MLLT10: variants seen among roughly 807,000 people sequenced by gnomAD.
The protein encoded by MLLT10 is protein AF-10.
In MLLT10, 30 loss-of-function variants were observed where a neutral mutation model predicts 129.1. That is an observed-to-expected ratio of 0.23 (90% confidence interval 0.17 to 0.32). The LOEUF (loss-of-function observed/expected upper bound fraction) is 0.32, where lower values mean the gene tolerates loss of function less well. Ranked by LOEUF, MLLT10 falls within the 10% of genes least tolerant of loss-of-function variation. MLLT10 has a pLI of 1.00. For synonymous variants in MLLT10, 490 were observed against 446.4 expected, an observed-to-expected ratio of 1.10 and a Z score of -1.23; for missense variants, 1,119 against 1,268.3, an observed-to-expected ratio of 0.88 and a Z score of 1.79.
At chr10:21,557,326 TTAACA>T (rs958524183) in intron 3 of MLLT10, 1 of 364,420 alleles carries the variant, frequency 2.7e-6, no homozygotes, top group Non-Finnish European at 4.1e-6. Flanking sequence ...TCAGTGACTC[TTAACA>T]TAAAAGATCC....
At chr10:21,703,996 T>C (rs2055181715) in intron 13 of MLLT10, among the ~76,000 whole-genome samples, 1 of 148,338 alleles carries the variant, frequency 6.7e-6, no homozygotes, top group Admixed American at 6.8e-5. Flanking sequence ...TGAATACATT[T>C]TGGATTTCGA....
At chr10:21,624,441 T>G (rs1330135574) in intron 8 of MLLT10, among the ~76,000 whole-genome samples, 1 of 73,582 alleles carries the variant, frequency 1.4e-5, no homozygotes, top group Non-Finnish European at 3.2e-5. Context: ...AAGGCCTGAG[T>G]ATATACACAA....
At chr10:21,621,054 G>T (rs558829096) in intron 8 of MLLT10, among the ~76,000 whole-genome samples, 1 of 151,514 alleles carries the variant, frequency 6.6e-6, no homozygotes, top group Non-Finnish European at 1.5e-5. Context: ...GCGCAATCTC[G>T]GTTTACTGCA....
At chr10:21,603,332 G>T (rs1285995866) in intron 5 of MLLT10, among the ~76,000 whole-genome samples, 1 of 151,288 alleles carries the variant, frequency 6.6e-6, no homozygotes, top group Non-Finnish European at 1.5e-5. Context: ...CTCTGAAAGT[G>T]CTGGGATTAC....
At chr10:21,608,469 T>TGTAATC (rs2044283627) in intron 5 of MLLT10, among the ~76,000 whole-genome samples, 1 of 152,106 alleles carries the variant, frequency 6.6e-6, no homozygotes, top group Non-Finnish European at 1.5e-5. Context: ...GAGTTACCAC[T>TGTAATC]CCTAGCCACT....
At chr10:21,632,905 T>C (rs2047130986) in intron 8 of MLLT10, among the ~76,000 whole-genome samples, 1 of 152,202 alleles carries the variant, frequency 6.6e-6, no homozygotes, top group Admixed American at 6.5e-5. Context: ...AGCAGTATTA[T>C]AATACATAAC....
At chr10:21,554,405 T>C (rs1191914592) in intron 3 of MLLT10, among the ~76,000 whole-genome samples, 2 of 152,096 alleles carry the variant, frequency 1.3e-5, no homozygotes, top group African/African-American at 2.4e-5. Flanking sequence ...CAGCCTTCCA[T>C]AGAGTTGGGA....
In MLLT10 at chr10:21,586,853, C is replaced by G. The variant is rs917474960; in HGVS notation, c.295+505C>G. Among the ~76,000 whole-genome samples the G allele has an allele frequency of 2.0e-5, 3 of 151,032 alleles. No individual in the cohort carries two copies. The East Asian group carries it at 5.8e-4, about 29-fold the overall frequency. On this transcript the variant is annotated intron_variant, in intron 4 of 22. Transcript: ENST00000307729. ...AGTGAGCTGAGATTATACCATTGCC[C>G]ATTAGCCTGCGTGACAGAAGGAGAC... is the stretch of plus-strand genomic sequence containing the variant.
In MLLT10 at chr10:21,685,561, C is replaced by G. The variant is rs373206198; in HGVS notation, c.1699+3304C>G. Among the ~76,000 whole-genome samples, 6 of 152,256 alleles carry G rather than the reference C, an allele frequency of 3.9e-5. No individual in the cohort carries two copies. In the East Asian group the frequency reaches 7.7e-4, roughly 20 times the overall value. On this transcript the variant is annotated intron_variant, in intron 13 of 22. Transcript: ENST00000307729. ...TGTTGGCCAGGCTGGTCTCAAACTCCTAGACTCAAGTGATCCGCAAGTGGT... is the reference window on the plus strand; with the variant it reads ...TGTTGGCCAGGCTGGTCTCAAACTCGTAGACTCAAGTGATCCGCAAGTGGT...
At chr10:21,597,592 G>A (rs1341016225) in intron 5 of MLLT10, among the ~76,000 whole-genome samples, 1 of 152,106 alleles carries the variant, frequency 6.6e-6, no homozygotes, top group African/African-American at 2.4e-5. Context: ...GGCTGCTCTC[G>A]AACTCCTGGC....
chr10:21,742,246 A>G lies in MLLT10; in HGVS notation c.*263A>G. The G allele has an allele frequency of 2.6e-6, 1 of 381,372 alleles. No individual in the cohort carries two copies. The highest frequency in any genetic ancestry group is 4.7e-6 in the Non-Finnish European group (1 of 214,364). The allele number at this position is 381,372 out of a possible 1,614,324, so 23.6% of individuals were successfully genotyped here. On this transcript the variant is annotated 3_prime_UTR_variant, in exon 23 of 23. Coordinates refer to ENST00000307729, the MANE Select transcript of MLLT10 (RefSeq NM_001195626.3). ...GAAAATTTAATAACTTTTTAAAGTG[A>G]CATAATTTACATGCAATATGTTTAT...
chr10:21,623,200 G>A (rs1172781177), intron 8 of MLLT10, among the ~76,000 whole-genome samples: 5 of 152,122 alleles, frequency 3.3e-5, no homozygotes, highest in South Asian at 4.1e-4. Flanking sequence ...TTATTAAATC[G>A]TTGGTCATTG....
intron 11 of MLLT10, among the ~76,000 whole-genome samples, chr10:21,677,068 G>A (rs531994915): frequency 6.6e-6 from 1 of 152,276 alleles, no homozygotes; most frequent in Non-Finnish European, 1.5e-5. Flanking sequence ...AACTGAGACA[G>A]AATTCTCTTA....
At chr10:21,590,361 A>G (rs185865566) in intron 4 of MLLT10, among the ~76,000 whole-genome samples, 4 of 148,960 alleles carry the variant, frequency 2.7e-5, no homozygotes, top group Non-Finnish European at 1.5e-5. Context: ...TTTTTTTGAG[A>G]TGGAGTCTTG....
rs778336499 is a variant in MLLT10, at chr10:21,732,956, A to G, written c.2276A>G (p.Glu759Gly). 6.8e-6 allele frequency: 11 copies of G among 1,613,960 alleles called. No individual in the cohort carries two copies. Among genetic ancestry groups the G allele is most frequent in the Non-Finnish European group, 9.3e-6 (11 of 1,179,998 alleles). Residue 759 changes from glutamate (E) to glycine (G), a missense_variant, in exon 18 of 23, where the codon GAA (glutamate) becomes GGA (glycine). By Grantham distance (98) the Glu-to-Gly change is moderately conservative. Coordinates refer to ENST00000307729, the MANE Select transcript of MLLT10 (RefSeq NM_001195626.3). ...QLQVENRRLE[E>G]QIKNLTAKKE... ...CAAGTTGAAAACCGAAGATTAGAGG[A>G]ACAAATTAAAAACTTGACTGCCAAA...
chr10:21,712,119 CT>C (rs1303428088), intron 13 of MLLT10, among the ~76,000 whole-genome samples: 2 of 152,100 alleles, frequency 1.3e-5, no homozygotes, highest in African/African-American at 2.4e-5. Flanking sequence ...AGCTGTAAGG[CT>C]TTTTAAAATG....
chr10:21,673,949 C>G, intron 11 of MLLT10, 30 bp downstream of exon 11: 1 of 1,503,130 alleles, frequency 6.7e-7, no homozygotes, highest in Non-Finnish European at 8.9e-7. Context: ...TATTTTTCTC[C>G]TTCACTCCCA....
intron 16 of MLLT10, among the ~76,000 whole-genome samples, chr10:21,729,313 T>G (rs1484765193): frequency 6.6e-6 from 1 of 152,148 alleles, no homozygotes; most frequent in Non-Finnish European, 1.5e-5. Flanking sequence ...ATTAAGAAAG[T>G]GCTATTTTGC....
chr10:21,702,417 G>A (rs960191649), intron 13 of MLLT10, among the ~76,000 whole-genome samples: 2 of 152,172 alleles, frequency 1.3e-5, no homozygotes, highest in Admixed American at 6.5e-5. Flanking sequence ...TGGATAAAAT[G>A]TTTTGTAAAT....
Sources: gnomAD v4.1 joint callset for allele counts (sites outside exome capture counted in the v4.1 genomes callset) on GRCh38, gnomAD v4.1.1 for gene constraint, MANE v1.5 for transcripts, NCBI Gene and HGNC (gene_info 2026-07-23, HGNC 2026-07-21) for gene names.